Variants in KCNC4 observed in about 807,000 individuals in gnomAD.
KCNC4 encodes the protein voltage-gated potassium channel KCNC4.
In KCNC4, 23 loss-of-function variants were observed where a neutral mutation model predicts 42.8. The observed-to-expected ratio is 0.54, with a 90% CI of 0.39 to 0.76. The LOEUF (loss-of-function observed/expected upper bound fraction) is 0.76, where lower values mean the gene tolerates loss of function less well. Ranked by LOEUF, KCNC4 falls within the 30% of genes least tolerant of loss-of-function variation. KCNC4 has a pLI of 0.00. For missense variants in KCNC4, 751 were observed against 898.2 expected, an observed-to-expected ratio of 0.84 and a Z score of 2.10; for synonymous variants, 422 against 393.5, an observed-to-expected ratio of 1.07 and a Z score of -0.86.
chr1:110,234,315 C>A (rs1289256349), downstream of KCNC4: 1 of 152,146 alleles, frequency 6.6e-6, no homozygotes, highest in Non-Finnish European at 1.5e-5. Flanking sequence ...CCTGCCATAA[C>A]ATGGAAGAAA....
chr1:110,212,871 C>G (rs559408277), intron 1 of KCNC4, among the ~76,000 whole-genome samples: 3 of 152,160 alleles, frequency 2.0e-5, no homozygotes, highest in African/African-American at 7.2e-5. Flanking sequence ...GAATTAAACA[C>G]GAAGGGCCTA....
At chr1:110,253,938 C>T (rs56788188), downstream of KCNC4, among the ~76,000 whole-genome samples, 2 of 152,244 alleles carry the variant, frequency 1.3e-5, no homozygotes, top group South Asian at 2.1e-4. Flanking sequence ...CCCTACTTCA[C>T]GGCCATGCAG....
exon 4 of KCNC4, chr1:110,240,744 A>G (rs1462784951): frequency 6.6e-6 from 1 of 152,350 alleles, no homozygotes; most frequent in Non-Finnish European, 1.5e-5. Flanking sequence ...CTGTGCCACT[A>G]CCACGACGAC....
chr1:110,211,124 G>T lies in KCNC4; in HGVS notation c.-376G>T, dbSNP rs1304860179. On this transcript the variant is annotated 5_prime_UTR_variant, in exon 1 of 4. Transcript: ENST00000438661. This position sits in a 1 kb window ranked among gnomAD's most constrained non-coding sequence, Gnocchi z 6.5. Reference sequence around the variant, plus strand: ...AGCGCCCCGGACCTTCGCGGTGCGCGTGGACTGTGCGCTTCCTCGTCTTTG... The same window carrying T: ...AGCGCCCCGGACCTTCGCGGTGCGCTTGGACTGTGCGCTTCCTCGTCTTTG... Among the ~76,000 whole-genome samples, 2 of 152,270 alleles carry T rather than the reference G, an allele frequency of 1.3e-5. No individual in the cohort carries two copies. Among genetic ancestry groups the T allele is most frequent in the Admixed American group, 6.5e-5 (1 of 15,294 alleles).
intron 3 of KCNC4, among the ~76,000 whole-genome samples, chr1:110,231,100 C>T (rs1658667559): frequency 1.3e-5 from 2 of 152,360 alleles, no homozygotes; most frequent in South Asian, 4.1e-4. Context: ...TTCACAACCT[C>T]GCCTTCCAGT....
chr1:110,232,766 G>A, intron 3 of KCNC4, 145 bp from the exon 4 acceptor site: 1 of 1,537,180 alleles, frequency 6.5e-7, no homozygotes, highest in Admixed American at 2.0e-5. Context: ...CACACCCTGT[G>A]GGTCAGCAGC....
intron 1 of KCNC4, among the ~76,000 whole-genome samples, chr1:110,267,633 C>T (rs914806876): frequency 1.3e-5 from 2 of 152,172 alleles, no homozygotes; most frequent in Admixed American, 6.5e-5. Context: ...TAGCAAGATG[C>T]GAACCTCTAC....
At chr1:110,217,794 G>A (rs1657879038) in intron 1 of KCNC4, among the ~76,000 whole-genome samples, 2 of 152,158 alleles carry the variant, frequency 1.3e-5, no homozygotes, top group African/African-American at 4.8e-5. Context: ...TTTCTCTGCT[G>A]GGACCTAGGC....
In KCNC4 at chr1:110,254,257, G is replaced by A. The variant is rs1345025855; in HGVS notation, n.31-28277G>A. On this transcript the variant is annotated intron_variant and non_coding_transcript_variant, in intron 1 of 2. Transcript: ENST00000412512. Reference sequence around the variant, plus strand: ...TCCCATTCTCAGCTAGACAGCCTGCGGGATTTGGGTGCATCCAGGAGACCA... The same window carrying A: ...TCCCATTCTCAGCTAGACAGCCTGCAGGATTTGGGTGCATCCAGGAGACCA... 2.6e-5 allele frequency among the ~76,000 whole-genome samples: 4 copies of A among 152,146 alleles called. No individual in the cohort carries two copies. In the South Asian group the frequency reaches 8.3e-4, roughly 32 times the overall value.
intron 3 of KCNC4, among the ~76,000 whole-genome samples, chr1:110,228,200 T>A (rs1314186853): frequency 2.0e-5 from 3 of 152,162 alleles, no homozygotes; most frequent in African/African-American, 7.2e-5. Flanking sequence ...GGCCCATGTA[T>A]CAGAGTGTCA....
intron 1 of KCNC4, among the ~76,000 whole-genome samples, chr1:110,262,402 G>A (rs1659470685): frequency 6.6e-6 from 1 of 152,152 alleles, no homozygotes. Flanking sequence ...TGATGCAACT[G>A]GGAGCTCAGT....
At chr1:110,216,483 T>A (rs964242358) in intron 1 of KCNC4, among the ~76,000 whole-genome samples, 3 of 152,268 alleles carry the variant, frequency 2.0e-5, no homozygotes, top group African/African-American at 7.2e-5. Context: ...TCTCTTGTTC[T>A]GAACAGATCA....
chr1:110,249,627 C>T (rs1659217176), downstream of KCNC4, among the ~76,000 whole-genome samples: 1 of 152,188 alleles, frequency 6.6e-6, no homozygotes, highest in South Asian at 2.1e-4. Flanking sequence ...GCATCAAGCT[C>T]AGAGTTGGTG....
chr1:110,238,489 C>T (rs190205197), downstream of KCNC4: 4 of 152,314 alleles, frequency 2.6e-5, no homozygotes, highest in Admixed American at 6.5e-5. Flanking sequence ...TCAGAAATCC[C>T]GTCAGCTCCA....
exon 4 of KCNC4, chr1:110,245,844 T>G (rs1319024047): frequency 6.6e-6 from 1 of 152,112 alleles, no homozygotes; most frequent in Non-Finnish European, 1.5e-5. Flanking sequence ...ATTGAGAGGG[T>G]GGGTATCAAG....
At chr1:110,265,353 TAAATA>T (rs58863489) in intron 1 of KCNC4, among the ~76,000 whole-genome samples, 17,147 of 121,022 alleles carry the variant, frequency 0.14, 1,554 homozygotes, top group East Asian at 0.25. Flanking sequence ...AAATAAAACA[TAAATA>T]AAATAAAATA....
At chr1:110,225,937 G>C in intron 2 of KCNC4, 38 bp from the exon 3 acceptor site, 1 of 1,532,744 alleles carries the variant, frequency 6.5e-7, no homozygotes, top group Non-Finnish European at 8.8e-7. Context: ...GGCTCAGGTC[G>C]CCCCTCATGC....
rs536063024 is a variant in KCNC4, at chr1:110,273,133, C to T, written n.31-9401C>T. 5.9e-5 allele frequency among the ~76,000 whole-genome samples: 9 copies of T among 152,256 alleles called. No individual in the cohort carries two copies. In the South Asian group the frequency reaches 1.5e-3, roughly 25 times the overall value. On this transcript the variant is annotated intron_variant and non_coding_transcript_variant, in intron 1 of 2. Transcript: ENST00000412512. ...AATGTTTCCTGGAGAAAAATGGACC[C>T]AGGAGCTGAAAGAGGGCATCTAGTT...
chr1:110,261,906 A>G (rs998724866), intron 1 of KCNC4, among the ~76,000 whole-genome samples: 17 of 152,248 alleles, frequency 1.1e-4, no homozygotes, highest in African/African-American at 3.9e-4. Flanking sequence ...CAAAACAACA[A>G]GCATTCCATT....
Sources: allele counts gnomAD v4.1 joint callset (sites outside exome capture counted in the v4.1 genomes callset), GRCh38; gene constraint gnomAD v4.1.1; non-coding constraint Gnocchi (gnomAD v3.1); transcripts MANE v1.5; gene names NCBI Gene and HGNC (gene_info 2026-07-23, HGNC 2026-07-21).